The following KIAA0930 variants were observed in gnomAD, a reference collection of about 807,000 sequenced individuals.
KIAA0930 encodes KIAA0930, also known as uncharacterized protein KIAA0930.
KIAA0930 carries 24 observed loss-of-function variants against 43.9 expected under a neutral mutation model. The ratio of observed to expected loss-of-function variants is 0.55; its 90% CI spans 0.40 to 0.77. The LOEUF (loss-of-function observed/expected upper bound fraction) is 0.77. Ranked by LOEUF, KIAA0930 falls within the 30% of genes least tolerant of loss-of-function variation. KIAA0930 has a pLI of 0.00. For missense variants in KIAA0930, 461 were observed against 574.2 expected, an observed-to-expected ratio of 0.80 and a Z score of 2.02; for synonymous variants, 259 against 216.4, an observed-to-expected ratio of 1.20 and a Z score of -1.73.
intron 1 of KIAA0930, among the ~76,000 whole-genome samples, chr22:45,220,368 T>C (rs2083760043): frequency 6.6e-6 from 1 of 151,942 alleles, no homozygotes; most frequent in Non-Finnish European, 1.5e-5. Flanking sequence ...AGCAGGAGAA[T>C]TGCTTGAATC....
intron 1 of KIAA0930, among the ~76,000 whole-genome samples, chr22:45,235,866 C>T (rs532198147): frequency 3.3e-5 from 5 of 152,232 alleles, no homozygotes; most frequent in Non-Finnish European, 7.3e-5. Flanking sequence ...TTTCCAGCGG[C>T]ACCTCCCACT....
Position 45,195,956 on chromosome 22 carries a change from C to CT in KIAA0930, c.*1219_*1220insA, listed in dbSNP as rs2083532396. 6.6e-6 allele frequency: 1 copy of CT among 152,324 alleles called. No homozygotes were observed. Among genetic ancestry groups the CT allele is most frequent in the Admixed American group, 6.5e-5 (1 of 15,306 alleles). The allele number at this position is 152,324 out of a possible 1,614,324, so 9.4% of individuals were successfully genotyped here. On this transcript the variant is annotated 3_prime_UTR_variant, in exon 10 of 10. Transcript: ENST00000336156. Reference sequence around the variant, plus strand: ...CAAGACCCTCCTCTTCCTTTTCCCCCACAGAGAAGATCCCTAAACACATCA... The same window carrying CT: ...CAAGACCCTCCTCTTCCTTTTCCCCCTACAGAGAAGATCCCTAAACACATCA...
intron 1 of KIAA0930, among the ~76,000 whole-genome samples, chr22:45,234,614 C>G (rs1213603394): frequency 1.3e-5 from 2 of 152,230 alleles, no homozygotes; most frequent in Non-Finnish European, 2.9e-5. Flanking sequence ...AAATGGCCTC[C>G]CAGGTGGCCA....
chr22:45,220,591 T>G (rs1374948879), intron 1 of KIAA0930, among the ~76,000 whole-genome samples: 2 of 152,180 alleles, frequency 1.3e-5, no homozygotes, highest in Admixed American at 1.3e-4. Flanking sequence ...TTATTTATTA[T>G]TTTATGTTGG....
At chr22:45,234,230 T>C (rs981656922) in intron 1 of KIAA0930, among the ~76,000 whole-genome samples, 1 of 152,112 alleles carries the variant, frequency 6.6e-6, no homozygotes, top group Non-Finnish European at 1.5e-5. Flanking sequence ...GTGGGTGCCG[T>C]TGGGGAGCTG....
At chr22:45,234,851 A>G (rs894204163) in intron 1 of KIAA0930, among the ~76,000 whole-genome samples, 2 of 152,204 alleles carry the variant, frequency 1.3e-5, no homozygotes, top group African/African-American at 4.8e-5. Context: ...CGTGATTAAG[A>G]AACCTGCATA....
At chr22:45,213,082 G>A (rs984849328) in intron 1 of KIAA0930, among the ~76,000 whole-genome samples, 3 of 152,242 alleles carry the variant, frequency 2.0e-5, no homozygotes, top group Admixed American at 2.0e-4. Flanking sequence ...GACACTTAGA[G>A]ATGGGGAACG....
chr22:45,205,289 G>T lies in KIAA0930; in HGVS notation c.444C>A (p.Pro148=), dbSNP rs1159333348. The change falls in exon 5 of 10, where the codon CCC becomes CCA. Residue 148 remains proline, a synonymous_variant. Transcript: ENST00000336156. ...QQVFASPSKH[P]MDSKGEESKI... is the part of the protein sequence containing the mutation. ...TGGACTCCTCCCCCTTGCTGTCCAT[G>T]GGGTGTTTACTGGGGGACGCGAACA... 2 of 1,614,096 alleles carry T rather than the reference G, an allele frequency of 1.2e-6. No homozygotes were observed. The highest frequency in any genetic ancestry group is 8.5e-7 in the Non-Finnish European group (1 of 1,179,956).
In KIAA0930 at chr22:45,212,011, T is replaced by C. The variant is rs901367191; in HGVS notation, c.161A>G (p.Tyr54Cys). 6 of 1,613,622 alleles carry C rather than the reference T, an allele frequency of 3.7e-6. No homozygotes were observed. Among genetic ancestry groups the C allele is most frequent in the Admixed American group, 1.7e-5 (1 of 60,006 alleles). The change falls in exon 2 of 10, where the codon TAT (tyrosine) becomes TGT (cysteine). Residue 54 changes from tyrosine (Y) to cysteine (C), a missense_variant. Coordinates refer to ENST00000336156, the MANE Select transcript of KIAA0930 (RefSeq NM_001009880.2). ...WAPRQDDMLF[Y>C]VRRKLAYSGS... Reference sequence around the variant, plus strand: ...GGAGTACGCCAGCTTCCGGCGCACATAGAAAAGCATGTCGTCCTGCCGGGG... The same window carrying C: ...GGAGTACGCCAGCTTCCGGCGCACACAGAAAAGCATGTCGTCCTGCCGGGG...
chr22:45,197,248 A>G, intron 9 of KIAA0930, 32 bp from the exon 10 acceptor site: 1 of 1,544,388 alleles, frequency 6.5e-7, no homozygotes, highest in South Asian at 1.2e-5. Flanking sequence ...CAGGTGAAAC[A>G]GTAACCCTCA....
intron 1 of KIAA0930, among the ~76,000 whole-genome samples, chr22:45,232,706 A>C (rs536784681): frequency 6.6e-6 from 1 of 152,322 alleles, no homozygotes. Flanking sequence ...GGTAGAGCTC[A>C]TCAGGCACAG....
rs1252206248 is a variant in KIAA0930 at position 45,194,460 on chromosome 22, T to C, written c.*2716A>G. 1 of 152,208 alleles carries C rather than the reference T, an allele frequency of 6.6e-6. No homozygotes were observed. The highest frequency in any genetic ancestry group is 1.5e-5 in the Non-Finnish European group (1 of 68,042). The allele number at this position is 152,208 out of a possible 1,614,324, so 9.4% of individuals were successfully genotyped here. ...GTCTTAAAGGGGTTTTGGGATCAAG[T>C]GTCCTGTTGAGGAAAACTAGGTGTC... On this transcript the variant is annotated 3_prime_UTR_variant, in exon 10 of 10. Coordinates refer to ENST00000336156, the MANE Select transcript of KIAA0930 (RefSeq NM_001009880.2).
chr22:45,228,432 T>C (rs1195430195), intron 1 of KIAA0930, among the ~76,000 whole-genome samples: 3 of 152,146 alleles, frequency 2.0e-5, no homozygotes, highest in African/African-American at 4.8e-5. Flanking sequence ...GCAGCCTCCA[T>C]GACACGCTCT....
chr22:45,218,333 ATTTTTTTTTT>A (rs752298111), intron 1 of KIAA0930, among the ~76,000 whole-genome samples: 28 of 51,706 alleles, frequency 5.4e-4, no homozygotes, highest in South Asian at 1.1e-3. Context: ...AATTTTTTTG[ATTTTTTTTTT>A]TTTTTTTTTT....
intron 5 of KIAA0930, 148 bp downstream of exon 5, chr22:45,205,067 AAG>A: frequency 7.6e-6 from 5 of 653,676 alleles, no homozygotes; most frequent in African/African-American, 1.8e-5. Flanking sequence ...AAACACTGGG[AAG>A]AGAGAGAGCC....
chr22:45,215,094 T>C (rs1173828183), intron 1 of KIAA0930, among the ~76,000 whole-genome samples: 1 of 152,068 alleles, frequency 6.6e-6, no homozygotes, highest in East Asian at 1.9e-4. Context: ...GGTGCTCACC[T>C]GTAGTCCCAG....
At chr22:45,231,227 A>AC (rs903913212) in intron 1 of KIAA0930, among the ~76,000 whole-genome samples, 6 of 145,010 alleles carry the variant, frequency 4.1e-5, no homozygotes, top group African/African-American at 1.7e-4. Context: ...GTCTCAGAAA[A>AC]AAAAAAAAAA....
At chr22:45,216,232 C>A (rs2083731798) in intron 1 of KIAA0930, among the ~76,000 whole-genome samples, 1 of 152,164 alleles carries the variant, frequency 6.6e-6, no homozygotes, top group Non-Finnish European at 1.5e-5. Context: ...GGTCCTGACG[C>A]CACCCTTCCC....
intron 7 of KIAA0930, among the ~76,000 whole-genome samples, chr22:45,200,778 G>A (rs544464359): frequency 5.9e-5 from 9 of 152,358 alleles, no homozygotes; most frequent in Admixed American, 5.9e-4. Flanking sequence ...CTGCTGGGGT[G>A]ACAGACTCAG....
Sources: allele counts gnomAD v4.1 joint callset (sites outside exome capture counted in the v4.1 genomes callset), GRCh38; gene constraint gnomAD v4.1.1; transcripts MANE v1.5; gene names NCBI Gene and HGNC (gene_info 2026-07-23, HGNC 2026-07-21).